The following CATSPERB variants were observed in gnomAD, a reference collection of about 807,000 sequenced individuals.
The protein encoded by CATSPERB is catsper channel auxiliary subunit beta, also known as cation channel sperm-associated auxiliary subunit beta.
A neutral mutation model predicts 128.3 loss-of-function variants in CATSPERB; 93 were observed. That is an observed-to-expected ratio of 0.72 (90% CI 0.61 to 0.86). The LOEUF is 0.86. Among genes scored for constraint, CATSPERB ranks in the 40% least tolerant of loss-of-function variants. The pLI, the probability that CATSPERB is intolerant of heterozygous loss-of-function variation, is 0.00. For missense variants in CATSPERB, 1,153 were observed against 1,329.5 expected (o/e 0.87, Z 2.06); for synonymous variants, 381 against 448.8 (o/e 0.85, Z 1.91).
In CATSPERB at chr14:91,673,084, C is replaced by T; in HGVS notation, c.979-68G>A. The T allele has an allele frequency of 1.1e-5, 15 of 1,306,296 alleles. No individual in the cohort carries two copies. In the South Asian group the frequency reaches 1.3e-4, roughly 11 times the overall value. 80.9% of individuals were successfully genotyped at this position (1,306,296 alleles called of 1,614,324 possible). The stretch of plus-strand genomic sequence containing the variant: ...ATAAGTTCTAATTCTCTTAGTGAAA[C>T]TAGCCCACTTGTTCATAGAAGTAAT... On this transcript the variant is annotated intron_variant, in intron 12 of 26. Transcript: ENST00000256343.
At chr14:91,692,175 CA>C (rs748422210) in intron 9 of CATSPERB, among the ~76,000 whole-genome samples, 318 of 55,514 alleles carry the variant, frequency 5.7e-3, no homozygotes, top group African/African-American at 0.014. Flanking sequence ...GACTCAGTCT[CA>C]AAAAAAAAAA....
intron 7 of CATSPERB, among the ~76,000 whole-genome samples, chr14:91,702,457 A>G (rs1423319061): frequency 2.0e-5 from 3 of 151,824 alleles, no homozygotes; most frequent in African/African-American, 7.3e-5. Context: ...ACTATAAGCC[A>G]TTAGGAAGTC....
At chr14:91,704,419 A>G (rs1296506587) in intron 7 of CATSPERB, 133 bp downstream of exon 7, 1 of 851,644 alleles carries the variant, frequency 1.2e-6, no homozygotes, top group Non-Finnish European at 1.8e-6. Flanking sequence ...GTATTGAATA[A>G]TAAATTTTTA....
chr14:91,667,169 G>A (rs1894999001), intron 14 of CATSPERB, among the ~76,000 whole-genome samples: 1 of 152,236 alleles, frequency 6.6e-6, no homozygotes, highest in South Asian at 2.1e-4. Context: ...ACATGCCCAT[G>A]CTGCAATATG....
At chr14:91,593,487 A>G in intron 22 of CATSPERB, among the ~76,000 whole-genome samples, 1 of 152,174 alleles carries the variant, frequency 6.6e-6, no homozygotes, top group East Asian at 1.9e-4. Flanking sequence ...ATCATTTTAG[A>G]GTTTTAAAAT....
At chr14:91,647,563 G>C (rs540025299) in intron 15 of CATSPERB, among the ~76,000 whole-genome samples, 4 of 152,306 alleles carry the variant, frequency 2.6e-5, no homozygotes, top group Admixed American at 2.6e-4. Flanking sequence ...CCACATGGCT[G>C]GGGGAGGCCT....
rs1000227544 is a variant in CATSPERB, at chr14:91,672,871, T to C, written c.1124A>G (p.Asn375Ser). ...ERGTGVYLFYNKVRKTAIASV... is the reference protein window; with the variant it reads ...ERGTGVYLFYSKVRKTAIASV... ...CCTCTGGGATATAAGGCCTACCTTG[T>C]TATAGAAGAGGTAAACTCCAGTACC... is the stretch of plus-strand genomic sequence containing the variant. Residue 375 changes from asparagine to serine, a missense_variant, in exon 13 of 27, where the codon AAC becomes AGC. Transcript: ENST00000256343. The C allele has an allele frequency of 2.6e-6, 4 of 1,564,254 alleles. No homozygotes were observed. Among genetic ancestry groups the C allele is most frequent in the African/African-American group, 1.4e-5 (1 of 71,336 alleles).
Position 91,666,500 on chromosome 14 carries a change from T to C in CATSPERB, c.1287+3314A>G, listed in dbSNP as rs146062440. On this transcript the variant is annotated intron_variant, in intron 14 of 26. Coordinates refer to ENST00000256343, the MANE Select transcript of CATSPERB (RefSeq NM_024764.4). ...ACAGGACAAAACTTCTTTTTATACA[T>C]CACAGAGAGAGCAGGGATAGCTCTT... 4.3e-3 allele frequency among the ~76,000 whole-genome samples: 661 copies of C among 152,238 alleles called. 11 individuals are homozygous for C. The highest frequency in any genetic ancestry group is 0.015 in the African/African-American group (618 of 41,522).
Position 91,621,695 on chromosome 14 carries a change from C to T in CATSPERB, c.2173G>A (p.Asp725Asn). ...SKPCNYWFQHDDSPSLNIVKY... is the reference protein window; with the variant it reads ...SKPCNYWFQHNDSPSLNIVKY... ...ACGATGTTGAGGGATGGTGAATCATCATGTTGAAACCAATAATTACATGGT... is the reference window on the plus strand; with the variant it reads ...ACGATGTTGAGGGATGGTGAATCATTATGTTGAAACCAATAATTACATGGT... Residue 725 changes from aspartate to asparagine, a missense_variant, in exon 19 of 27, where the codon GAT becomes AAT. By Grantham distance (23) the Asp-to-Asn change is conservative (BLOSUM62 1). Coordinates refer to ENST00000256343, the MANE Select transcript of CATSPERB (RefSeq NM_024764.4). The T allele has an allele frequency of 6.2e-7, 1 of 1,613,684 alleles. No homozygotes were observed. Among genetic ancestry groups the T allele is most frequent in the Non-Finnish European group, 8.5e-7 (1 of 1,179,598 alleles).
chr14:91,709,062 A>C (rs775523231), intron 5 of CATSPERB: 1 of 152,278 alleles, frequency 6.6e-6, no homozygotes, highest in Non-Finnish European at 1.5e-5. Context: ...ACAGGCCCTC[A>C]TGTCCACCCA....
intron 7 of CATSPERB, among the ~76,000 whole-genome samples, chr14:91,702,843 CTTAT>C (rs1895674543): frequency 6.6e-6 from 1 of 151,782 alleles, no homozygotes; most frequent in African/African-American, 2.4e-5. Flanking sequence ...CATGAAATCT[CTTAT>C]TTATTTTGGT....
chr14:91,663,837 T>A (rs1474191769), intron 14 of CATSPERB, among the ~76,000 whole-genome samples: 1 of 152,098 alleles, frequency 6.6e-6, no homozygotes, highest in Non-Finnish European at 1.5e-5. Flanking sequence ...AAGCATACAG[T>A]TCAGTAGTGT....
chr14:91,674,223 CTG>C lies in CATSPERB; in HGVS notation c.932-3_932-2del. On this transcript the variant is annotated splice_acceptor_variant and splice_polypyrimidine_tract_variant and intron_variant, in intron 11 of 26. Coordinates refer to ENST00000256343, the MANE Select transcript of CATSPERB (RefSeq NM_024764.4). LOFTEE classifies it high-confidence loss of function. The stretch of plus-strand genomic sequence containing the variant: ...TCAAAGGTAACTGTAACATAATCAA[CTG>C]TGAAATAAATACAAGGGTACAGGAA... The C allele has an allele frequency of 6.5e-7, 1 of 1,536,372 alleles. No individual in the cohort carries two copies. Among genetic ancestry groups the C allele is most frequent in the Non-Finnish European group, 9.0e-7 (1 of 1,116,844 alleles).
intron 10 of CATSPERB, 48 bp from the exon 11 acceptor site, chr14:91,683,991 T>G: frequency 7.6e-7 from 1 of 1,320,038 alleles, no homozygotes; most frequent in Non-Finnish European, 1.1e-6. Context: ...AGACTTAAGA[T>G]ATCTTAAGAT....
intron 10 of CATSPERB, among the ~76,000 whole-genome samples, chr14:91,686,228 T>C (rs911284768): frequency 3.3e-5 from 5 of 152,216 alleles, no homozygotes; most frequent in African/African-American, 1.2e-4. Context: ...TTTGTTTGTG[T>C]ATTTTTTAAT....
rs1260744075 is a variant in CATSPERB at position 91,590,654 on chromosome 14, G to T, written c.2821-985C>A. Among the ~76,000 whole-genome samples, 580 of 147,344 alleles carry T rather than the reference G, an allele frequency of 3.9e-3. 8 individuals carry two copies. Among genetic ancestry groups the T allele is most frequent in the Admixed American group, 0.024 (350 of 14,808 alleles). On this transcript the variant is annotated intron_variant, in intron 23 of 26. Coordinates refer to ENST00000256343, the MANE Select transcript of CATSPERB (RefSeq NM_024764.4). ...TCTAGATGTCTTTTTTTGTTTGTTTGTTTTGTTTTGTTTTTTGAGATAGAG... is the reference window on the plus strand; with the variant it reads ...TCTAGATGTCTTTTTTTGTTTGTTTTTTTTGTTTTGTTTTTTGAGATAGAG...
chr14:91,697,480 C>A (rs1221762142), intron 7 of CATSPERB, among the ~76,000 whole-genome samples: 1 of 152,126 alleles, frequency 6.6e-6, no homozygotes, highest in African/African-American at 2.4e-5. Flanking sequence ...GATTTCAGAG[C>A]TAATGACATT....
chr14:91,648,952 C>T (rs1448905302), intron 15 of CATSPERB, among the ~76,000 whole-genome samples: 3 of 151,860 alleles, frequency 2.0e-5, no homozygotes, highest in African/African-American at 7.3e-5. Context: ...CAACGCAACA[C>T]ACACTTCACC....
chr14:91,638,400 CTT>C (rs34399837), intron 16 of CATSPERB, among the ~76,000 whole-genome samples: 22 of 145,598 alleles, frequency 1.5e-4, no homozygotes, highest in Middle Eastern at 3.5e-3. Context: ...GCTCATGTTC[CTT>C]TTTTTTTTTT....
Sources: allele counts gnomAD v4.1 joint callset (sites outside exome capture counted in the v4.1 genomes callset), GRCh38; gene constraint gnomAD v4.1.1; transcripts MANE v1.5; gene names NCBI Gene and HGNC (gene_info 2026-07-23, HGNC 2026-07-21).